The following FGF12 variants were observed in gnomAD, a reference collection of about 807,000 sequenced individuals.
FGF12 encodes fibroblast growth factor 12, also known as fibroblast growth factor 12B.
FGF12 carries 14 observed loss-of-function variants against 23.6 expected under a neutral mutation model. That is an observed-to-expected ratio of 0.59 (90% CI 0.39 to 0.93). The LOEUF (loss-of-function observed/expected upper bound fraction) is 0.93, where lower values mean the gene tolerates loss of function less well. Among genes scored for constraint, FGF12 ranks in the 40% least tolerant of loss-of-function variants. The pLI, the probability that FGF12 is intolerant of heterozygous loss-of-function variation, is 0.00. For synonymous variants in FGF12, 62 were observed against 77.3 expected (o/e 0.80, Z 1.04); for missense variants, 175 against 217.8 (o/e 0.80, Z 1.24).
At chr3:192,586,581 A>G (rs947330838) in intron 2 of FGF12, among the ~76,000 whole-genome samples, 11 of 152,216 alleles carry the variant, frequency 7.2e-5, no homozygotes, top group African/African-American at 2.4e-4. Context: ...GTGTCTCCAG[A>G]AAGAGCTTAA....
intron 3 of FGF12, among the ~76,000 whole-genome samples, chr3:192,352,794 G>C (rs1044132359): frequency 2.6e-5 from 4 of 152,170 alleles, no homozygotes; most frequent in African/African-American, 9.6e-5. Flanking sequence ...TAACAGAGAG[G>C]GGTTAAATAA....
intron 2 of FGF12, among the ~76,000 whole-genome samples, chr3:192,725,550 C>T (rs916537603): frequency 4.6e-5 from 7 of 152,170 alleles, no homozygotes; most frequent in South Asian, 2.1e-4. Flanking sequence ...CTAAGTGACA[C>T]GTAGCATGTT....
intron 2 of FGF12, among the ~76,000 whole-genome samples, chr3:192,656,482 G>T (rs1413836032): frequency 6.6e-6 from 1 of 152,138 alleles, no homozygotes; most frequent in Admixed American, 6.5e-5. Context: ...CTCAGCCGGG[G>T]TGATCTGGCC....
At chr3:192,218,151 C>T (rs946367827) in intron 4 of FGF12, among the ~76,000 whole-genome samples, 6 of 152,064 alleles carry the variant, frequency 3.9e-5, no homozygotes, top group Non-Finnish European at 5.9e-5. Flanking sequence ...CACTTTTCTA[C>T]GTCAGGAAAT....
chr3:192,335,093 A>C (rs1717327196), intron 4 of FGF12, among the ~76,000 whole-genome samples: 1 of 152,212 alleles, frequency 6.6e-6, no homozygotes, highest in Non-Finnish European at 1.5e-5. Flanking sequence ...CAGAAAGGTA[A>C]AATTCCAAAA....
chr3:192,535,029 C>T (rs1725190998), intron 2 of FGF12, among the ~76,000 whole-genome samples: 1 of 151,676 alleles, frequency 6.6e-6, no homozygotes, highest in African/African-American at 2.4e-5. Context: ...TTCCTGACTC[C>T]TTTTGTAATA....
rs548898137 is a variant in FGF12 at position 192,606,893 on chromosome 3, C to T, written c.13+120288G>A. Among the ~76,000 whole-genome samples, 14 of 152,204 alleles carry T rather than the reference C, an allele frequency of 9.2e-5. No homozygotes were observed. The East Asian group carries it at 1.4e-3, about 15-fold the overall frequency. ...GTATAAATCCCCCTCTTCCAAACAG[C>T]GTGAAATATCTTAAAGTAATTGCAG... On this transcript the variant is annotated intron_variant, in intron 2 of 5. Transcript: ENST00000445105.
At position 192,362,407 on chromosome 3, in the gene FGF12, T is replaced by G. The variant is rs137879651; in HGVS notation, c.14-1869A>C. The stretch of plus-strand genomic sequence containing the variant: ...CCCCCACCCCTCCACCCCACGACAG[T>G]CCCAGGTGTGTGATGTTCTCCGCCC... On this transcript the variant is annotated intron_variant, in intron 2 of 5. Coordinates refer to ENST00000445105, the MANE Select transcript of FGF12 (RefSeq NM_004113.6). 3.0e-3 allele frequency among the ~76,000 whole-genome samples: 451 copies of G among 150,626 alleles called. 1 individual carries two copies. Among genetic ancestry groups the G allele is most frequent in the African/African-American group, 0.011 (430 of 40,926 alleles).
chr3:192,668,606 C>T (rs956653150), intron 2 of FGF12, among the ~76,000 whole-genome samples: 3 of 152,082 alleles, frequency 2.0e-5, no homozygotes, highest in Non-Finnish European at 4.4e-5. Flanking sequence ...AGATGCAGGA[C>T]CTGAAATTTG....
rs182942180 is a variant in FGF12 at position 192,724,286 on chromosome 3, C to T, written c.13+2895G>A. On this transcript the variant is annotated intron_variant, in intron 2 of 5. Transcript: ENST00000445105. ...TCTGCAGTTCTAAAAAATTTGTCTG[C>T]AAACCACATTTTGACTATCAAGAGT... Among the ~76,000 whole-genome samples the T allele has an allele frequency of 9.9e-5, 15 of 152,256 alleles. No individual in the cohort carries two copies. In the East Asian group the frequency reaches 2.9e-3, roughly 29 times the overall value.
intron 3 of FGF12, among the ~76,000 whole-genome samples, chr3:192,352,949 G>A (rs1444129893): frequency 6.6e-6 from 1 of 152,148 alleles, no homozygotes; most frequent in Non-Finnish European, 1.5e-5. Context: ...CCTGCCTGCT[G>A]GTAACATATC....
At chr3:192,412,544 T>C (rs1721230373) in intron 2 of FGF12, among the ~76,000 whole-genome samples, 1 of 152,204 alleles carries the variant, frequency 6.6e-6, no homozygotes. Context: ...CAAAGACTAC[T>C]TTTTCCCTCG....
At chr3:192,508,890 T>C (rs1368004577) in intron 2 of FGF12, among the ~76,000 whole-genome samples, 1 of 152,190 alleles carries the variant, frequency 6.6e-6, no homozygotes, top group Non-Finnish European at 1.5e-5. Flanking sequence ...AGGTGACTTC[T>C]ACCATTAAAC....
At chr3:192,529,656 T>A (rs1330095393) in intron 2 of FGF12, among the ~76,000 whole-genome samples, 1 of 152,184 alleles carries the variant, frequency 6.6e-6, no homozygotes, top group African/African-American at 2.4e-5. Context: ...AGAGGTTTAA[T>A]GGACTTATGG....
At chr3:192,388,733 G>C (rs962821645) in intron 2 of FGF12, among the ~76,000 whole-genome samples, 7 of 151,784 alleles carry the variant, frequency 4.6e-5, no homozygotes, top group South Asian at 2.1e-4. Flanking sequence ...TCACATTTTT[G>C]AAAGCAACTT....
At chr3:192,260,707 T>C (rs1712693115) in intron 4 of FGF12, among the ~76,000 whole-genome samples, 1 of 152,116 alleles carries the variant, frequency 6.6e-6, no homozygotes, top group African/African-American at 2.4e-5. Context: ...GTGTTGTAAG[T>C]CCCCTTTCCT....
At chr3:192,557,265 A>AC (rs1711825675) in intron 2 of FGF12, among the ~76,000 whole-genome samples, 2 of 149,472 alleles carry the variant, frequency 1.3e-5, no homozygotes, top group African/African-American at 2.5e-5. Context: ...AAAATTAAGA[A>AC]TTTTTTTTTG....
intron 2 of FGF12, among the ~76,000 whole-genome samples, chr3:192,526,937 T>C (rs1372375661): frequency 2.0e-5 from 3 of 152,142 alleles, no homozygotes; most frequent in Non-Finnish European, 4.4e-5. Context: ...AAGGAAGTCT[T>C]GAAAAAATCC....
chr3:192,172,642 A>C (rs1482825149), intron 4 of FGF12, among the ~76,000 whole-genome samples: 3 of 150,822 alleles, frequency 2.0e-5, no homozygotes, highest in Non-Finnish European at 4.4e-5. Flanking sequence ...GGACATGACA[A>C]AGTGTTTATG....
Sources: allele counts gnomAD v4.1 joint callset (sites outside exome capture counted in the v4.1 genomes callset), GRCh38; gene constraint gnomAD v4.1.1; transcripts MANE v1.5; gene names NCBI Gene and HGNC (gene_info 2026-07-23, HGNC 2026-07-21).